The following PRKG1 variants were observed in gnomAD, a reference collection of about 807,000 sequenced individuals.
PRKG1 encodes protein kinase cGMP-dependent 1, also known as cGMP-dependent protein kinase 1.
Under a neutral mutation model 88.1 loss-of-function variants are expected in PRKG1, and 35 were observed. The ratio of observed to expected loss-of-function variants is 0.40; its 90% confidence interval spans 0.30 to 0.53. The LOEUF is 0.53. Ranked by LOEUF, PRKG1 falls within the 20% of genes least tolerant of loss-of-function variation. PRKG1 has a pLI of 0.59. For missense variants in PRKG1, 540 were observed against 839.8 expected (o/e 0.64, Z 4.41); for synonymous variants, 303 against 292.5 (o/e 1.04, Z -0.37).
chr10:51,360,625 T>C (rs2132585675), intron 2 of PRKG1, among the ~76,000 whole-genome samples: 1 of 152,044 alleles, frequency 6.6e-6, no homozygotes, highest in South Asian at 2.1e-4. Flanking sequence ...ATTTCTGAGC[T>C]GTAAAATTCC....
chr10:51,946,788 C>T (rs747301737), intron 5 of PRKG1, among the ~76,000 whole-genome samples: 4 of 151,992 alleles, frequency 2.6e-5, no homozygotes, highest in Admixed American at 6.6e-5. Flanking sequence ...TTTCATGAAC[C>T]GCGAATGCTG....
intron 3 of PRKG1, among the ~76,000 whole-genome samples, chr10:51,707,324 G>T (rs1388123654): frequency 6.6e-6 from 1 of 150,520 alleles, no homozygotes; most frequent in Admixed American, 6.6e-5. Context: ...ACATCGTTCT[G>T]CCACACAAGG....
intron 2 of PRKG1, among the ~76,000 whole-genome samples, chr10:51,268,935 G>A (rs1019236434): frequency 2.0e-5 from 3 of 152,094 alleles, no homozygotes; most frequent in Admixed American, 6.6e-5. Context: ...CACCATCCAC[G>A]TTCTTCTGCC....
intron 5 of PRKG1, among the ~76,000 whole-genome samples, chr10:52,044,224 G>A (rs1052068273): frequency 1.3e-4 from 20 of 152,094 alleles, no homozygotes; most frequent in Non-Finnish European, 2.6e-4. Flanking sequence ...GGAAAATTGG[G>A]TACTTGGATA....
At chr10:51,135,340 TAA>T (rs1301503088) in intron 1 of PRKG1, among the ~76,000 whole-genome samples, 2 of 152,080 alleles carry the variant, frequency 1.3e-5, no homozygotes, top group East Asian at 3.9e-4. Flanking sequence ...TTTGATAAAT[TAA>T]AAGAGAACTA....
chr10:51,823,875 T>C (rs1839816787), intron 4 of PRKG1, among the ~76,000 whole-genome samples: 1 of 145,240 alleles, frequency 6.9e-6, no homozygotes, highest in East Asian at 2.0e-4. Context: ...CCTTTTTTTT[T>C]TTTTTTTTTT....
chr10:51,497,010 G>A (rs113500422), intron 3 of PRKG1, among the ~76,000 whole-genome samples: 40 of 152,182 alleles, frequency 2.6e-4, no homozygotes, highest in African/African-American at 8.9e-4. Flanking sequence ...GCCTGTCGTC[G>A]TTTATCAGAA....
At chr10:51,135,902 A>C (rs933637824) in intron 1 of PRKG1, among the ~76,000 whole-genome samples, 2 of 142,052 alleles carry the variant, frequency 1.4e-5, no homozygotes, top group Non-Finnish European at 3.1e-5. Context: ...GCATGGACTC[A>C]AGAAATATTT....
chr10:51,352,862 A>T (rs1159563593), intron 2 of PRKG1, among the ~76,000 whole-genome samples: 1 of 152,164 alleles, frequency 6.6e-6, no homozygotes, highest in Non-Finnish European at 1.5e-5. Flanking sequence ...TTCAAATTAT[A>T]TTACACAGCT....
chr10:50,994,137 A>C (rs1190572320), intron 1 of PRKG1, among the ~76,000 whole-genome samples: 1 of 152,088 alleles, frequency 6.6e-6, no homozygotes, highest in Non-Finnish European at 1.5e-5. Context: ...CAGCAAGCTG[A>C]CTCATTAGAG....
chr10:51,003,149 C>T (rs186830544), intron 1 of PRKG1, among the ~76,000 whole-genome samples: 139 of 151,882 alleles, frequency 9.2e-4, no homozygotes, highest in African/African-American at 2.5e-3. Flanking sequence ...TATGCTTTCT[C>T]GTGTCTGCAG....
chr10:51,052,168 A>G (rs1055852815), intron 1 of PRKG1, among the ~76,000 whole-genome samples: 1 of 152,202 alleles, frequency 6.6e-6, no homozygotes, highest in African/African-American at 2.4e-5. Flanking sequence ...GAATAGATTT[A>G]TATTTCTTTT....
At chr10:51,075,384 A>G (rs1843922997) in intron 1 of PRKG1, among the ~76,000 whole-genome samples, 1 of 152,194 alleles carries the variant, frequency 6.6e-6, no homozygotes, top group South Asian at 2.1e-4. Context: ...CTGGCGCTTC[A>G]CGCTGGTACC....
At chr10:52,281,259 T>C (rs988305880) in intron 13 of PRKG1, among the ~76,000 whole-genome samples, 4 of 152,166 alleles carry the variant, frequency 2.6e-5, no homozygotes, top group Non-Finnish European at 5.9e-5. Context: ...AATGGGTTTT[T>C]ATATTATGGA....
At chr10:51,910,829 C>T (rs1305613950) in intron 5 of PRKG1, 3 of 152,186 alleles carry the variant, frequency 2.0e-5, no homozygotes, top group Non-Finnish European at 4.4e-5. Flanking sequence ...AGGAGACAAG[C>T]ACCAGATGGG....
chr10:52,288,898 T>C (rs376417646), intron 15 of PRKG1, 33 bp from the exon 16 acceptor site: 4 of 1,594,458 alleles, frequency 2.5e-6, no homozygotes, highest in Non-Finnish European at 3.4e-6. Flanking sequence ...TGTGAAAAAA[T>C]TAGATTTAAT....
chr10:51,848,633 CTGTGTGTGTG>C (rs35222566), intron 4 of PRKG1, among the ~76,000 whole-genome samples: 271 of 145,196 alleles, frequency 1.9e-3, no homozygotes, highest in Non-Finnish European at 2.6e-3. Flanking sequence ...GTGTCTGTAT[CTGTGTGTGTG>C]TGTGTGTGTG....
intron 2 of PRKG1, among the ~76,000 whole-genome samples, chr10:51,434,041 T>C (rs1171525635): frequency 6.6e-6 from 1 of 152,098 alleles, no homozygotes; most frequent in Admixed American, 6.6e-5. Flanking sequence ...CAAAGCCTGG[T>C]TTTCTGACAC....
chr10:51,574,246 CT>C (rs1468895737), intron 3 of PRKG1, among the ~76,000 whole-genome samples: 4 of 151,832 alleles, frequency 2.6e-5, no homozygotes, highest in Admixed American at 6.6e-5. Flanking sequence ...AGTGAAGGAA[CT>C]TTTTTTCATC....
Sources: allele counts gnomAD v4.1 joint callset (sites outside exome capture counted in the v4.1 genomes callset), GRCh38; gene constraint gnomAD v4.1.1; transcripts MANE v1.5; gene names NCBI Gene and HGNC (gene_info 2026-07-23, HGNC 2026-07-21).